The following FBLN2 variants were observed in gnomAD, a reference collection of about 807,000 sequenced individuals.
FBLN2 encodes fibulin-2.
Under a neutral mutation model 123.7 loss-of-function variants are expected in FBLN2, and 81 were observed. The observed-to-expected ratio is 0.65, with a 90% CI of 0.55 to 0.79. The LOEUF is 0.79. Among genes scored for constraint, FBLN2 ranks in the 30% least tolerant of loss-of-function variants. The probability of loss-of-function intolerance (pLI) is 0.00; values close to 1 mark genes in which losing one functional copy is unlikely to be tolerated. For synonymous variants in FBLN2, 699 were observed against 701.4 expected, an observed-to-expected ratio of 1.00 and a Z score of 0.05; for missense variants, 1,603 against 1,681.3, an observed-to-expected ratio of 0.95 and a Z score of 0.81.
chr3:13,577,650 G>A (rs532844474), intron 2 of FBLN2, among the ~76,000 whole-genome samples: 5 of 152,228 alleles, frequency 3.3e-5, no homozygotes, highest in Admixed American at 2.6e-4. Context: ...CATCCTCTCT[G>A]TTGTCAGTAC....
At chr3:13,568,589 C>T (rs183873172) in intron 1 of FBLN2, among the ~76,000 whole-genome samples, 1 of 152,334 alleles carries the variant, frequency 6.6e-6, no homozygotes, top group Admixed American at 6.5e-5. Flanking sequence ...CCCTGGGGGC[C>T]CTCTCTGTCC....
intron 2 of FBLN2, 128 bp downstream of exon 2, chr3:13,571,789 AC>A: frequency 1.2e-6 from 1 of 814,162 alleles, no homozygotes; most frequent in Non-Finnish European, 1.6e-6. Context: ...TAGGGTGGCC[AC>A]CCCAGGCCCT....
At chr3:13,555,683 T>C (rs922498174) in intron 1 of FBLN2, among the ~76,000 whole-genome samples, 1 of 152,002 alleles carries the variant, frequency 6.6e-6, no homozygotes, top group Non-Finnish European at 1.5e-5. Flanking sequence ...CTCGATCTCC[T>C]GACCTTGTGA....
At chr3:13,618,833 T>A in intron 6 of FBLN2, 71 bp from the exon 7 acceptor site, 1 of 1,106,340 alleles carries the variant, frequency 9.0e-7, no homozygotes, top group Non-Finnish European at 1.3e-6. Context: ...GGCAGGTGCC[T>A]GGAAGTGCCT....
intron 2 of FBLN2, among the ~76,000 whole-genome samples, chr3:13,590,061 G>C (rs1704621379): frequency 6.6e-6 from 1 of 152,222 alleles, no homozygotes. Context: ...AGTCAAGATA[G>C]AAAGCATTTC....
At chr3:13,607,315 G>A (rs1574978064) in intron 2 of FBLN2, among the ~76,000 whole-genome samples, 2 of 151,250 alleles carry the variant, frequency 1.3e-5, no homozygotes, top group African/African-American at 2.4e-5. Flanking sequence ...GTAAGCTTGA[G>A]AAAAAAAAAT....
chr3:13,611,719 C>T lies in FBLN2; in HGVS notation c.1548+2077C>T, dbSNP rs1053351018. On this transcript the variant is annotated intron_variant, in intron 4 of 17. Coordinates refer to ENST00000404922, the MANE Select transcript of FBLN2 (RefSeq NM_001004019.2). The stretch of plus-strand genomic sequence containing the variant: ...GGTTGCTTCCACCTTTTGGCTATTG[C>T]GAATAGTAATGCTGCTGTGAACATG... 4.6e-5 allele frequency among the ~76,000 whole-genome samples: 7 copies of T among 152,296 alleles called. No homozygotes were observed. The East Asian group carries it at 1.2e-3, about 25-fold the overall frequency.
intron 5 of FBLN2, 111 bp from the exon 6 acceptor site, chr3:13,617,965 T>G: frequency 1.1e-6 from 1 of 899,248 alleles, no homozygotes; most frequent in African/African-American, 1.6e-5. Context: ...TGCTGTCTGC[T>G]GGGCACACAG....
At position 13,637,725 on chromosome 3, in the gene FBLN2, A is replaced by G. The variant is rs1338231693; in HGVS notation, c.3502A>G (p.Ile1168Val). ...AFTGDTIALN[I>V]IKGNEEGYFG... Reference sequence around the variant, plus strand: ...CACGGGGGACACCATCGCCCTGAACATCATCAAGGGCAATGAGGAGGGCTA... The same window carrying G: ...CACGGGGGACACCATCGCCCTGAACGTCATCAAGGGCAATGAGGAGGGCTA... The change falls in exon 18 of 18, where the codon ATC becomes GTC. Residue 1168 changes from isoleucine to valine, a missense_variant. Ile to Val is a conservative substitution (Grantham distance 29). Transcript: ENST00000404922. The G allele has an allele frequency of 1.2e-6, 2 of 1,613,998 alleles. No homozygotes were observed. Among genetic ancestry groups the G allele is most frequent in the Non-Finnish European group, 1.7e-6 (2 of 1,179,854 alleles).
intron 5 of FBLN2, among the ~76,000 whole-genome samples, chr3:13,615,567 C>A (rs1221704892): frequency 6.6e-6 from 1 of 152,252 alleles, no homozygotes; most frequent in Non-Finnish European, 1.5e-5. Context: ...AGAGCCTTCA[C>A]TGTGGCATCT....
chr3:13,612,293 TC>T lies in FBLN2; in HGVS notation c.1549-1689del, dbSNP rs751913750. ...ATTTTCCTTTTCTTTTCTTTTATTT[TC>T]CTTTCTTTCTTTCTTTCTTTCTTTC... On this transcript the variant is annotated intron_variant, in intron 4 of 17. Transcript: ENST00000404922. 7.4e-3 allele frequency among the ~76,000 whole-genome samples: 929 copies of T among 126,060 alleles called. 5 individuals carry two copies. Among genetic ancestry groups the T allele is most frequent in the Middle Eastern group, 0.028 (7 of 250 alleles). 82.7% of individuals were successfully genotyped at this position (126,060 alleles called of 152,430 possible).
chr3:13,549,528 C>T (rs1013563653), intron 1 of FBLN2, among the ~76,000 whole-genome samples: 4 of 151,920 alleles, frequency 2.6e-5, no homozygotes, highest in South Asian at 4.2e-4. Context: ...TCACTTCTCC[C>T]CCCTGGGCCG....
intron 1 of FBLN2, among the ~76,000 whole-genome samples, chr3:13,567,398 C>G (rs1703781042): frequency 1.3e-5 from 2 of 152,332 alleles, no homozygotes; most frequent in South Asian, 4.1e-4. Context: ...CCCTCTGTTC[C>G]CCAGGATGGA....
chr3:13,637,667 G>C lies in FBLN2; in HGVS notation c.3444G>C (p.Ala1148=), dbSNP rs201725233. The C allele has an allele frequency of 6.2e-7, 1 of 1,613,958 alleles. No homozygotes were observed. Among genetic ancestry groups the C allele is most frequent in the Admixed American group, 1.7e-5 (1 of 60,014 alleles). ...TCCAGACGGGCCTCCTGGTGCCTGC[G>C]CATATCTTCCGCATTGGCCCCGCGC... ...LNFQTGLLVP[A]HIFRIGPAPA... Residue 1148 remains alanine (A), a synonymous_variant, in exon 18 of 18, where the codon GCG becomes GCC. Coordinates refer to ENST00000404922, the MANE Select transcript of FBLN2 (RefSeq NM_001004019.2).
At chr3:13,584,432 G>A (rs1328315877) in intron 2 of FBLN2, among the ~76,000 whole-genome samples, 1 of 152,194 alleles carries the variant, frequency 6.6e-6, no homozygotes, top group Non-Finnish European at 1.5e-5. Flanking sequence ...TCCCAGCTGA[G>A]TCAGAGCTGG....
chr3:13,608,555 T>C (rs950950767), intron 3 of FBLN2, among the ~76,000 whole-genome samples: 1 of 152,204 alleles, frequency 6.6e-6, no homozygotes, highest in Non-Finnish European at 1.5e-5. Flanking sequence ...CCCTCTTCCT[T>C]TCTCTGCTTT....
intron 2 of FBLN2, 89 bp from the exon 3 acceptor site, chr3:13,607,973 C>G: frequency 1.0e-6 from 1 of 977,948 alleles, no homozygotes; most frequent in East Asian, 2.6e-5. Context: ...GTTTGCCTGC[C>G]CAGTAAAGGA....
chr3:13,619,240 G>A (rs914624398), intron 7 of FBLN2, among the ~76,000 whole-genome samples: 5 of 152,072 alleles, frequency 3.3e-5, no homozygotes, highest in Non-Finnish European at 7.4e-5. Context: ...CCTGGTGTGT[G>A]ACCCCAAACC....
At chr3:13,553,010 A>G (rs2125029797) in intron 1 of FBLN2, among the ~76,000 whole-genome samples, 1 of 152,112 alleles carries the variant, frequency 6.6e-6, no homozygotes, top group Admixed American at 6.5e-5. Flanking sequence ...GGAACTGAGG[A>G]GGCATCTAGC....
Sources: allele counts gnomAD v4.1 joint callset (sites outside exome capture counted in the v4.1 genomes callset), GRCh38; gene constraint gnomAD v4.1.1; transcripts MANE v1.5; gene names NCBI Gene and HGNC (gene_info 2026-07-23, HGNC 2026-07-21).